The following ZZEF1 variants were observed in gnomAD, a reference collection of about 807,000 sequenced individuals.
The protein encoded by ZZEF1 is zinc finger ZZ-type and EF-hand domain-containing protein 1.
A neutral mutation model predicts 342.8 loss-of-function variants in ZZEF1; 157 were observed. The ratio of observed to expected loss-of-function variants is 0.46; its 90% confidence interval spans 0.40 to 0.52. The LOEUF (loss-of-function observed/expected upper bound fraction) is 0.52, where lower values mean the gene tolerates loss of function less well. Among genes scored for constraint, ZZEF1 ranks in the 20% least tolerant of loss-of-function variants. ZZEF1 has a pLI of 0.00. For missense variants in ZZEF1, 3,480 were observed against 3,725.6 expected (o/e 0.93, Z 1.72); for synonymous variants, 1,505 against 1,429.1 (o/e 1.05, Z -1.20).
chr17:4,105,219 G>A (rs2145450924), intron 7 of ZZEF1, among the ~76,000 whole-genome samples: 1 of 152,260 alleles, frequency 6.6e-6, no homozygotes, highest in African/African-American at 2.4e-5. Flanking sequence ...AAACTGTCTA[G>A]ATGGCTCAGG....
chr17:4,048,024 T>A (rs1038923548), intron 37 of ZZEF1, among the ~76,000 whole-genome samples: 6 of 152,034 alleles, frequency 3.9e-5, no homozygotes, highest in Non-Finnish European at 5.9e-5. Context: ...CATTCTGACA[T>A]AAATAAAAGG....
chr17:4,013,573 C>T lies in ZZEF1; in HGVS notation c.8455G>A (p.Val2819Met), dbSNP rs377252079. The part of the protein sequence containing the change: ...LKQMLSEERV[V>M]PHLPLAKIWE... Reference sequence around the variant, plus strand: ...ATTTTTGCCAATGGGAGATGAGGCACGACCCTTTCTTCTGACAACATCTGC... The same window carrying T: ...ATTTTTGCCAATGGGAGATGAGGCATGACCCTTTCTTCTGACAACATCTGC... Residue 2819 changes from valine to methionine, a missense_variant, in exon 52 of 55, where the codon GTG becomes ATG. By Grantham distance (21) the Val-to-Met change is conservative. This residue lies in a region of ZZEF1 where 1,269 missense variants were observed against 1,342.4 expected (regional missense o/e 0.95). Coordinates refer to ENST00000381638, the MANE Select transcript of ZZEF1 (RefSeq NM_015113.4). The T allele has an allele frequency of 1.5e-5, 25 of 1,613,832 alleles. No homozygotes were observed. Among genetic ancestry groups the T allele is most frequent in the East Asian group, 1.3e-4 (6 of 44,876 alleles).
chr17:4,107,583 A>G (rs1242338458), intron 6 of ZZEF1, among the ~76,000 whole-genome samples: 2 of 152,250 alleles, frequency 1.3e-5, no homozygotes, highest in East Asian at 1.9e-4. Flanking sequence ...GGATGGCCAC[A>G]GCAGCAGCTC....
intron 18 of ZZEF1, among the ~76,000 whole-genome samples, chr17:4,078,292 G>A (rs1236685096): frequency 6.6e-6 from 1 of 151,946 alleles, no homozygotes; most frequent in African/African-American, 2.4e-5. Flanking sequence ...ACCACCTCAG[G>A]AACCTTACCC....
intron 19 of ZZEF1, among the ~76,000 whole-genome samples, chr17:4,077,211 T>C (rs2057640626): frequency 3.3e-5 from 5 of 152,084 alleles, no homozygotes; most frequent in Admixed American, 3.3e-4. Flanking sequence ...TTTTTGTCTT[T>C]TGATGAAGTA....
chr17:4,086,689 G>C lies in ZZEF1; in HGVS notation c.2343-34C>G, dbSNP rs199592007. The C allele has an allele frequency of 1.5e-4, 243 of 1,610,540 alleles. 2 individuals are homozygous for C. The African/African-American group carries it at 3.0e-3, about 20-fold the overall frequency. ...AGACAAAAAACATCAGAGAGCAAAA[G>C]GGCAAGTTGCATTTACTCTCCAAAG... On this transcript the variant is annotated intron_variant, in intron 14 of 54. Coordinates refer to ENST00000381638, the MANE Select transcript of ZZEF1 (RefSeq NM_015113.4).
chr17:4,132,673 A>G (rs535931553), intron 1 of ZZEF1, among the ~76,000 whole-genome samples: 1 of 143,010 alleles, frequency 7.0e-6, no homozygotes, highest in South Asian at 2.4e-4. Flanking sequence ...TCTACTAAAA[A>G]TACAAAAAAT....
At chr17:4,052,267 G>A (rs1027840755) in intron 34 of ZZEF1, 131 bp from the exon 35 acceptor site, 123 of 831,742 alleles carry the variant, frequency 1.5e-4, no homozygotes, top group Non-Finnish European at 2.0e-4. Context: ...GCCCACAGGC[G>A]TTCTCTGGAG....
At chr17:4,087,852 C>G (rs1320038969) in intron 13 of ZZEF1, among the ~76,000 whole-genome samples, 2 of 150,794 alleles carry the variant, frequency 1.3e-5, no homozygotes, top group African/African-American at 4.9e-5. Context: ...GACTTCCTAA[C>G]CCAGCACATA....
Position 4,076,761 on chromosome 17 carries a change from T to TA in ZZEF1, c.3112-3dup. 2 of 1,604,744 alleles carry TA rather than the reference T, an allele frequency of 1.2e-6. No individual in the cohort carries two copies. Among genetic ancestry groups the TA allele is most frequent in the Non-Finnish European group, 1.7e-6 (2 of 1,175,450 alleles). On this transcript the variant is annotated splice_polypyrimidine_tract_variant and splice_region_variant and intron_variant, in intron 20 of 54. Transcript: ENST00000381638. The stretch of plus-strand genomic sequence containing the variant: ...GCAGAAGTCCAGCAGGAAGATAACC[T>TA]AATGGAAGATGGATGAAGCACTCAG...
intron 2 of ZZEF1, among the ~76,000 whole-genome samples, chr17:4,118,937 G>A (rs1317726929): frequency 6.6e-6 from 1 of 152,182 alleles, no homozygotes; most frequent in Non-Finnish European, 1.5e-5. Flanking sequence ...TCAGTGTCAT[G>A]TACCAGTGTG....
At position 4,099,069 on chromosome 17, in the gene ZZEF1, C is replaced by A. The variant is rs79741465; in HGVS notation, c.1673-2369G>T. On this transcript the variant is annotated intron_variant, in intron 9 of 54. Coordinates refer to ENST00000381638, the MANE Select transcript of ZZEF1 (RefSeq NM_015113.4). The stretch of plus-strand genomic sequence containing the variant: ...TAGCAGAAGCAATAATTTAAGTCAA[C>A]AGAATCGGATAGACTCTTTTAAAAT... Among the ~76,000 whole-genome samples, 1,409 of 152,182 alleles carry A rather than the reference C, an allele frequency of 9.3e-3. 14 individuals carry two copies. The highest frequency in any genetic ancestry group is 0.016 in the Admixed American group (248 of 15,284).
intron 25 of ZZEF1, 102 bp from the exon 26 acceptor site, chr17:4,071,026 A>C (rs2057499030): frequency 1.5e-6 from 2 of 1,358,126 alleles, no homozygotes; most frequent in South Asian, 2.9e-5. Context: ...AAACACAGTG[A>C]ACACTCTCCG....
intron 9 of ZZEF1, among the ~76,000 whole-genome samples, chr17:4,098,097 G>A (rs933253145): frequency 1.3e-5 from 2 of 151,926 alleles, no homozygotes; most frequent in African/African-American, 4.8e-5. Context: ...AATTCGCCGG[G>A]CGTGGTGGCA....
chr17:4,086,443 T>C (rs2057826663), intron 15 of ZZEF1, 43 bp downstream of exon 15: 1 of 1,604,318 alleles, frequency 6.2e-7, no homozygotes, highest in Non-Finnish European at 8.5e-7. Context: ...CCCTTCACGC[T>C]ACCTACACAG....
At chr17:4,109,572 G>T in intron 6 of ZZEF1, 81 bp downstream of exon 6, 1 of 1,456,676 alleles carries the variant, frequency 6.9e-7, no homozygotes, top group Non-Finnish European at 9.5e-7. Flanking sequence ...ATGATGGAAG[G>T]CTGCTCAGTG....
intron 1 of ZZEF1, among the ~76,000 whole-genome samples, chr17:4,134,855 G>A (rs965515): frequency 0.17 from 25,335 of 152,016 alleles, 2,179 homozygotes; most frequent in East Asian, 0.18. Flanking sequence ...CTTAAACTGT[G>A]CTTTAATGGG....
intron 1 of ZZEF1, among the ~76,000 whole-genome samples, chr17:4,132,004 A>G (rs987287399): frequency 2.6e-5 from 4 of 152,170 alleles, no homozygotes; most frequent in African/African-American, 9.7e-5. Context: ...AACTGAAAAC[A>G]ATCACAAAGA....
chr17:4,126,124 G>A (rs951493343), intron 1 of ZZEF1, among the ~76,000 whole-genome samples: 2 of 151,454 alleles, frequency 1.3e-5, no homozygotes, highest in African/African-American at 4.9e-5. Context: ...TACTTGGGAG[G>A]CTGAGGCAGA....
Sources: gnomAD v4.1 joint callset for allele counts (sites outside exome capture counted in the v4.1 genomes callset) on GRCh38, gnomAD v4.1.1 for gene constraint, gnomAD v4.1.1 regional missense constraint, MANE v1.5 for transcripts, NCBI Gene and HGNC (gene_info 2026-07-23, HGNC 2026-07-21) for gene names.